UNC13C: variants seen among roughly 807,000 people sequenced by gnomAD.
UNC13C encodes protein unc-13 homolog C.
Under a neutral mutation model 245.4 loss-of-function variants are expected in UNC13C, and 174 were observed. The ratio of observed to expected loss-of-function variants is 0.71; its 90% CI spans 0.63 to 0.80. UNC13C has a LOEUF of 0.80. Ranked by LOEUF, UNC13C falls within the 30% of genes least tolerant of loss-of-function variation. UNC13C has a pLI of 0.00. For synonymous variants in UNC13C, 992 were observed against 895.1 expected (o/e 1.11, Z -1.93); for missense variants, 2,829 against 2,602.9 (o/e 1.09, Z -1.89).
intron 2 of UNC13C, among the ~76,000 whole-genome samples, chr15:54,018,472 G>C (rs561697773): frequency 6.6e-6 from 1 of 152,242 alleles, no homozygotes; most frequent in Non-Finnish European, 1.5e-5. Flanking sequence ...TATAGATGTG[G>C]ATATTTGATG....
chr15:54,193,309 A>G (rs16974293), intron 4 of UNC13C, among the ~76,000 whole-genome samples: 16,601 of 152,148 alleles, frequency 0.11, 1,297 homozygotes, highest in African/African-American at 0.22. Flanking sequence ...ATGCTTGGAG[A>G]CTTCCTGAAT....
intron 2 of UNC13C, among the ~76,000 whole-genome samples, chr15:54,142,248 G>A (rs1224721414): frequency 6.6e-6 from 1 of 152,126 alleles, no homozygotes; most frequent in Non-Finnish European, 1.5e-5. Context: ...CCTGGAAAAT[G>A]TTGGCCCTAT....
At chr15:54,078,125 A>G (rs989401524) in intron 2 of UNC13C, among the ~76,000 whole-genome samples, 1 of 152,130 alleles carries the variant, frequency 6.6e-6, no homozygotes, top group Non-Finnish European at 1.5e-5. Flanking sequence ...AGCTCCATCC[A>G]TGTTGCTGTA....
chr15:54,091,238 T>C (rs1001396383), intron 2 of UNC13C, among the ~76,000 whole-genome samples: 2 of 152,200 alleles, frequency 1.3e-5, no homozygotes, highest in African/African-American at 2.4e-5. Context: ...TCCTCTTTCG[T>C]TAAATGATCC....
At chr15:53,847,124 A>C in the UNC13C span, among the ~76,000 whole-genome samples, 6 of 152,184 alleles carry the variant, frequency 3.9e-5, no homozygotes, top group African/African-American at 1.4e-4. Flanking sequence ...ACTAGACCCT[A>C]CATAAAAACA....
chr15:53,890,625 C>T, the UNC13C span, among the ~76,000 whole-genome samples: 5 of 152,288 alleles, frequency 3.3e-5, no homozygotes, highest in African/African-American at 1.2e-4. Flanking sequence ...TTATCCATTT[C>T]TTCTAGATTT....
chr15:54,475,001 C>G (rs2899545), intron 19 of UNC13C, among the ~76,000 whole-genome samples: 66,544 of 151,228 alleles, frequency 0.44, 14,890 homozygotes, highest in East Asian at 0.71. Flanking sequence ...AGTGTGAAGA[C>G]ATCCATCCCC....
chr15:54,458,049 A>T (rs1300741447), intron 19 of UNC13C, among the ~76,000 whole-genome samples: 2 of 151,528 alleles, frequency 1.3e-5, no homozygotes, highest in Non-Finnish European at 2.9e-5. Flanking sequence ...TTTAAGCACC[A>T]CTTTTGCTGT....
intron 30 of UNC13C, among the ~76,000 whole-genome samples, chr15:54,570,642 C>T (rs1897712819): frequency 6.6e-6 from 1 of 152,100 alleles, no homozygotes; most frequent in Admixed American, 6.5e-5. Flanking sequence ...TATTCATGAC[C>T]ATAGACTGAG....
chr15:53,900,982 A>T, the UNC13C span, among the ~76,000 whole-genome samples: 83 of 152,190 alleles, frequency 5.5e-4, no homozygotes, highest in African/African-American at 2.0e-3. Flanking sequence ...AAAGTTTGGT[A>T]TGTATTTTCT....
chr15:54,581,103 A>G (rs1898179802), intron 30 of UNC13C, among the ~76,000 whole-genome samples: 1 of 152,226 alleles, frequency 6.6e-6, no homozygotes, highest in South Asian at 2.1e-4. Flanking sequence ...TGCCAGATGA[A>G]TCTAAAGATA....
downstream of UNC13C, chr15:54,629,667 A>C (rs148450981): frequency 6.6e-6 from 1 of 152,208 alleles, no homozygotes; most frequent in Non-Finnish European, 1.5e-5. Context: ...GATTTATGTT[A>C]TAAATATTTT....
chr15:53,843,626 A>G, the UNC13C span, among the ~76,000 whole-genome samples: 1 of 152,088 alleles, frequency 6.6e-6, no homozygotes, highest in African/African-American at 2.4e-5. Context: ...AGAGGATACT[A>G]TGTTGTATAT....
chr15:54,463,818 T>A (rs1184698299), intron 19 of UNC13C, among the ~76,000 whole-genome samples: 1 of 152,084 alleles, frequency 6.6e-6, no homozygotes, highest in African/African-American at 2.4e-5. Context: ...GCAGAATTCT[T>A]GAAATTGAGA....
At chr15:54,575,752 A>C (rs564331204) in intron 30 of UNC13C, among the ~76,000 whole-genome samples, 294 of 152,210 alleles carry the variant, frequency 1.9e-3, no homozygotes, top group Non-Finnish European at 3.4e-3. Flanking sequence ...ATAATCAGAG[A>C]TCTGGAATCC....
chr15:54,079,776 CT>C (rs938771370), intron 2 of UNC13C, among the ~76,000 whole-genome samples: 2 of 151,966 alleles, frequency 1.3e-5, no homozygotes, highest in African/African-American at 2.4e-5. Flanking sequence ...TTGATTTCCT[CT>C]TTTCCTATTT....
At chr15:54,005,664 T>A (rs1319218405) in intron 1 of UNC13C, among the ~76,000 whole-genome samples, 1 of 152,310 alleles carries the variant, frequency 6.6e-6, no homozygotes, top group South Asian at 2.1e-4. Context: ...AGGACTATAA[T>A]GAAAAGAAAA....
chr15:54,198,614 A>G (rs1373735451), intron 4 of UNC13C, among the ~76,000 whole-genome samples: 1 of 152,138 alleles, frequency 6.6e-6, no homozygotes, highest in Non-Finnish European at 1.5e-5. Flanking sequence ...AACAAAAACA[A>G]TCACTATAGT....
At chr15:54,609,993 C>T (rs1899990278) in intron 30 of UNC13C, among the ~76,000 whole-genome samples, 1 of 152,080 alleles carries the variant, frequency 6.6e-6, no homozygotes, top group African/African-American at 2.4e-5. Context: ...GGAAGTGCCC[C>T]ATGATTCAAT....
Sources: gnomAD v4.1 joint callset for allele counts (sites outside exome capture counted in the v4.1 genomes callset) on GRCh38, gnomAD v4.1.1 for gene constraint, MANE v1.5 for transcripts, NCBI Gene and HGNC (gene_info 2026-07-23, HGNC 2026-07-21) for gene names.